Variants in APBA2 observed in about 807,000 individuals in gnomAD.
APBA2 encodes the protein amyloid beta precursor protein binding family A member 2.
In APBA2, 30 loss-of-function variants were observed where a neutral mutation model predicts 75.0. The observed-to-expected ratio is 0.40, with a 90% confidence interval of 0.30 to 0.54. The LOEUF (loss-of-function observed/expected upper bound fraction) is 0.54. Ranked by LOEUF, APBA2 falls within the 20% of genes least tolerant of loss-of-function variation. The pLI, the probability that APBA2 is intolerant of heterozygous loss-of-function variation, is 0.49. For missense variants in APBA2, 801 were observed against 1,016.1 expected (o/e 0.79, Z 2.88); for synonymous variants, 444 against 409.6 (o/e 1.08, Z -1.01).
intron 13 of APBA2, among the ~76,000 whole-genome samples, chr15:29,110,149 G>A (rs1029997703): frequency 3.9e-5 from 6 of 152,222 alleles, no homozygotes; most frequent in African/African-American, 1.4e-4. Flanking sequence ...CAGGGAGGAG[G>A]GCTGGGACAT....
chr15:28,936,996 C>G (rs2034914045), intron 2 of APBA2, among the ~76,000 whole-genome samples: 2 of 152,184 alleles, frequency 1.3e-5, no homozygotes, highest in South Asian at 4.1e-4. Context: ...ATGCCTCTCA[C>G]TAATAAATCT....
chr15:29,017,173 G>T (rs1476735711), intron 3 of APBA2, among the ~76,000 whole-genome samples: 1 of 152,068 alleles, frequency 6.6e-6, no homozygotes, highest in African/African-American at 2.4e-5. Flanking sequence ...CATCTGAAGG[G>T]CTGTGGTGGG....
At chr15:29,079,711 C>G (rs1248434898) in intron 6 of APBA2, among the ~76,000 whole-genome samples, 2 of 152,096 alleles carry the variant, frequency 1.3e-5, no homozygotes, top group African/African-American at 4.8e-5. Context: ...AGCAGCTCCT[C>G]CACCCTATTT....
intron 3 of APBA2, among the ~76,000 whole-genome samples, chr15:29,052,059 GT>G (rs991453559): frequency 3.9e-5 from 6 of 152,070 alleles, no homozygotes; most frequent in Admixed American, 3.3e-4. Flanking sequence ...ACTGGAATAT[GT>G]TTTTTTAAAT....
At chr15:28,990,736 G>A (rs58656217) in intron 2 of APBA2, 32,346 of 152,110 alleles carry the variant, frequency 0.21, 6,335 homozygotes, top group African/African-American at 0.51. Context: ...GGAATAAAAA[G>A]TGAGGACATG....
rs1377293716 is a variant in APBA2, at chr15:29,046,626, C to T, written c.-40-7219C>T. ...GGACCTCCAACATGAGAACCACCTG[C>T]AGCTCTAGACCTGGCCTTTGGCCCA... On this transcript the variant is annotated intron_variant, in intron 3 of 14. Coordinates refer to ENST00000683413, the MANE Select transcript of APBA2 (RefSeq NM_001353788.2). This position sits in a 1 kb window ranked among gnomAD's most constrained non-coding sequence, Gnocchi z 5.0. Among the ~76,000 whole-genome samples, 5 of 152,246 alleles carry T rather than the reference C, an allele frequency of 3.3e-5. No homozygotes were observed. Among genetic ancestry groups the T allele is most frequent in the Admixed American group, 1.3e-4 (2 of 15,284 alleles).
At chr15:28,906,964 T>A (rs1030918470) in intron 1 of APBA2, among the ~76,000 whole-genome samples, 4 of 152,136 alleles carry the variant, frequency 2.6e-5, no homozygotes, top group African/African-American at 9.7e-5. Flanking sequence ...TTTAAAGACA[T>A]ATTTGGCAAT....
chr15:29,114,034 G>C lies in APBA2; in HGVS notation c.2178+18G>C, dbSNP rs2044898539. On this transcript the variant is annotated intron_variant, in intron 14 of 14. Transcript: ENST00000683413. ...TCGGAGAGGTAAGGAGGGACTTTGAGTGTGCCTCTGCATGCCGGTTCCCAC... is the reference window on the plus strand; with the variant it reads ...TCGGAGAGGTAAGGAGGGACTTTGACTGTGCCTCTGCATGCCGGTTCCCAC... The C allele has an allele frequency of 6.2e-7, 1 of 1,613,532 alleles. No homozygotes were observed. The highest frequency in any genetic ancestry group is 1.7e-5 in the Admixed American group (1 of 59,992).
At chr15:28,984,861 C>G (rs975132292) in intron 2 of APBA2, among the ~76,000 whole-genome samples, 2 of 148,898 alleles carry the variant, frequency 1.3e-5, no homozygotes, top group Non-Finnish European at 3.0e-5. Context: ...CTATCTCTCT[C>G]TCTCTCTCTC....
chr15:28,927,480 CTCTT>C (rs2034332017), intron 2 of APBA2, among the ~76,000 whole-genome samples: 1 of 151,956 alleles, frequency 6.6e-6, no homozygotes, highest in Non-Finnish European at 1.5e-5. Context: ...TCTCCATTGT[CTCTT>C]TTGTTCCCTT....
At chr15:28,942,936 C>T (rs183745389) in intron 2 of APBA2, among the ~76,000 whole-genome samples, 112 of 152,334 alleles carry the variant, frequency 7.4e-4, no homozygotes, top group African/African-American at 2.4e-3. Flanking sequence ...GCCTCGGTTT[C>T]CTCGTTCTCA....
At chr15:28,902,333 G>T (rs1219398295) in intron 1 of APBA2, among the ~76,000 whole-genome samples, 2 of 152,120 alleles carry the variant, frequency 1.3e-5, no homozygotes, top group Non-Finnish European at 2.9e-5. Flanking sequence ...GAAAACTCCA[G>T]ACAAATTCCA....
chr15:29,015,996 C>T (rs888350235), intron 3 of APBA2, among the ~76,000 whole-genome samples: 3 of 152,202 alleles, frequency 2.0e-5, no homozygotes, highest in East Asian at 1.9e-4. Context: ...CGGTGGCTCA[C>T]GCTTGTAATC....
chr15:28,913,651 G>C (rs1566793147), intron 1 of APBA2, among the ~76,000 whole-genome samples: 2 of 152,204 alleles, frequency 1.3e-5, no homozygotes, highest in Non-Finnish European at 2.9e-5. Context: ...GGATGTGCTG[G>C]TGCTGGCTTA....
chr15:29,025,315 G>A (rs1177631077), intron 3 of APBA2, among the ~76,000 whole-genome samples: 1 of 149,420 alleles, frequency 6.7e-6, no homozygotes, highest in Non-Finnish European at 1.5e-5. Flanking sequence ...GCCCAGGCTG[G>A]CATGCAGTGG....
At chr15:28,902,443 G>T (rs1239056981) in intron 1 of APBA2, among the ~76,000 whole-genome samples, 2 of 152,156 alleles carry the variant, frequency 1.3e-5, no homozygotes, top group Non-Finnish European at 1.5e-5. Context: ...CCAAGAGGAG[G>T]GCCCTCTTCC....
chr15:29,113,252 C>T (rs932529709), intron 13 of APBA2, among the ~76,000 whole-genome samples: 8 of 152,172 alleles, frequency 5.3e-5, no homozygotes, highest in African/African-American at 1.9e-4. Flanking sequence ...GAATGGAAGC[C>T]CCCACCGCTG....
intron 2 of APBA2, among the ~76,000 whole-genome samples, chr15:28,944,646 C>T (rs1340262188): frequency 1.3e-5 from 2 of 152,168 alleles, no homozygotes; most frequent in Non-Finnish European, 2.9e-5. Flanking sequence ...CTCGGCGTGC[C>T]GAAGGAACCA....
intron 2 of APBA2, among the ~76,000 whole-genome samples, chr15:28,939,999 G>A (rs191570612): frequency 7.7e-4 from 118 of 152,334 alleles, no homozygotes; most frequent in Middle Eastern, 6.8e-3. Context: ...CCTACAAAGT[G>A]GGAAGAGAAT....
Sources: allele counts gnomAD v4.1 joint callset (sites outside exome capture counted in the v4.1 genomes callset), GRCh38; gene constraint gnomAD v4.1.1; non-coding constraint Gnocchi (gnomAD v3.1); transcripts MANE v1.5; gene names NCBI Gene and HGNC (gene_info 2026-07-23, HGNC 2026-07-21).